SYNGR1: variants seen among roughly 807,000 people sequenced by gnomAD.
SYNGR1 encodes synaptogyrin 1.
A neutral mutation model predicts 26.1 loss-of-function variants in SYNGR1; 14 were observed. The observed-to-expected ratio is 0.54, with a 90% CI of 0.35 to 0.84. The LOEUF (loss-of-function observed/expected upper bound fraction) is 0.84, where lower values mean the gene tolerates loss of function less well. SYNGR1 is among the 40% of genes least tolerant of loss of function. SYNGR1 has a pLI of 0.01. For synonymous variants in SYNGR1, 141 were observed against 150.1 expected, an observed-to-expected ratio of 0.94 and a Z score of 0.44; for missense variants, 319 against 332.9, an observed-to-expected ratio of 0.96 and a Z score of 0.33.
rs1181013746 is a variant in SYNGR1, at chr22:39,350,865, A to T, written c.99+756A>T. Among the ~76,000 whole-genome samples the T allele has an allele frequency of 6.6e-6, 1 of 152,116 alleles. No individual in the cohort carries two copies. The highest frequency in any genetic ancestry group is 6.5e-5 in the Admixed American group (1 of 15,274). ...ACCGGTAACACCCCTCCCACTCAGC[A>T]TGCACCTGGATGCCCAAGGCGGGTG... On this transcript the variant is annotated intron_variant, in intron 1 of 3. Transcript: ENST00000328933. This position sits in a 1 kb window ranked among gnomAD's most constrained non-coding sequence, Gnocchi z 4.3.
chr22:39,364,222 G>A, intron 1 of SYNGR1: 3 of 1,613,836 alleles, frequency 1.9e-6, no homozygotes, highest in Non-Finnish European at 2.5e-6. Flanking sequence ...TGGGATTCTG[G>A]AATTCGATCC....
At chr22:39,360,156 G>A (rs1924402138) in intron 1 of SYNGR1, among the ~76,000 whole-genome samples, 1 of 152,178 alleles carries the variant, frequency 6.6e-6, no homozygotes, top group Non-Finnish European at 1.5e-5. Flanking sequence ...TGGTGGCCCA[G>A]GCCAGCCTGG....
In SYNGR1 at chr22:39,384,964, C is replaced by T. The variant is rs528833746; in HGVS notation, c.*3050C>T. ...GTCCTGCCTGCACGGCTCCTATCCA[C>T]CTGGGGGTGTCGCAGTTGAGGGGCT... On this transcript the variant is annotated 3_prime_UTR_variant, in exon 4 of 4. Transcript: ENST00000328933. The T allele has an allele frequency of 4.0e-5, 16 of 398,756 alleles. No individual in the cohort carries two copies. Among genetic ancestry groups the T allele is most frequent in the South Asian group, 1.3e-4 (1 of 7,864 alleles). 24.7% of individuals were successfully genotyped at this position (398,756 alleles called of 1,614,324 possible). A position where few individuals can be genotyped will look rare whatever the true frequency, so the allele number is the denominator to read the frequency against.
intron 3 of SYNGR1, chr22:39,378,480 A>G: frequency 1.0e-6 from 1 of 984,966 alleles, no homozygotes; most frequent in Non-Finnish European, 1.2e-6. Flanking sequence ...TGTTCCTCCA[A>G]AGGATTTTGG....
At chr22:39,360,740 C>T (rs989362838) in intron 1 of SYNGR1, among the ~76,000 whole-genome samples, 12 of 152,166 alleles carry the variant, frequency 7.9e-5, no homozygotes, top group Non-Finnish European at 8.8e-5. Context: ...GAGCACAGAC[C>T]CCTAGAGAGG....
Position 39,350,233 on chromosome 22 carries a change from C to A in SYNGR1, c.99+124C>A, listed in dbSNP as rs557593437. 3 of 561,636 alleles carry A rather than the reference C, an allele frequency of 5.3e-6. No homozygotes were observed. Among genetic ancestry groups the A allele is most frequent in the Admixed American group, 1.1e-4 (2 of 18,406 alleles). 34.8% of individuals were successfully genotyped at this position (561,636 alleles called of 1,614,324 possible). A position where few individuals can be genotyped will look rare whatever the true frequency, so the allele number is the denominator to read the frequency against. On this transcript the variant is annotated intron_variant, in intron 1 of 3. Transcript: ENST00000328933. This position sits in a 1 kb window ranked among gnomAD's most constrained non-coding sequence, Gnocchi z 4.3. ...CCCCCGGCGGCGGCGCGGCGGCGGGCGAGGAGCTGTCCTGCCTGCGGGGCC... is the reference window on the plus strand; with the variant it reads ...CCCCCGGCGGCGGCGCGGCGGCGGGAGAGGAGCTGTCCTGCCTGCGGGGCC...
intron 1 of SYNGR1, among the ~76,000 whole-genome samples, chr22:39,351,880 G>T (rs775948128): frequency 3.3e-5 from 5 of 152,238 alleles, no homozygotes; most frequent in Admixed American, 6.5e-5. Context: ...CATGGTGAAG[G>T]TGATGTCAGA....
chr22:39,362,957 T>C (rs866032824), intron 1 of SYNGR1, among the ~76,000 whole-genome samples: 26 of 152,168 alleles, frequency 1.7e-4, no homozygotes, highest in Admixed American at 9.2e-4. Flanking sequence ...AAAGAAGTTA[T>C]ATTGTGATGT....
chr22:39,351,156 G>A (rs887751479), intron 1 of SYNGR1, among the ~76,000 whole-genome samples: 1 of 152,182 alleles, frequency 6.6e-6, no homozygotes, highest in Non-Finnish European at 1.5e-5. Context: ...ACTCCCACTC[G>A]AGGTTCTGGC....
intron 1 of SYNGR1, among the ~76,000 whole-genome samples, chr22:39,365,630 G>C (rs534986757): frequency 2.0e-5 from 3 of 150,512 alleles, no homozygotes; most frequent in African/African-American, 7.5e-5. Flanking sequence ...ACAGAGGGCA[G>C]CTGACAGCCC....
At chr22:39,369,599 C>A (rs7286714) in intron 1 of SYNGR1, among the ~76,000 whole-genome samples, 3 of 151,996 alleles carry the variant, frequency 2.0e-5, no homozygotes, top group Non-Finnish European at 4.4e-5. Flanking sequence ...GAACACAGGT[C>A]TGGGAATCAG....
intron 3 of SYNGR1, among the ~76,000 whole-genome samples, chr22:39,379,053 A>G (rs780286035): frequency 6.6e-6 from 1 of 152,172 alleles, no homozygotes; most frequent in Non-Finnish European, 1.5e-5. Flanking sequence ...GTCTACAGAC[A>G]TTGCTCTCAA....
At chr22:39,376,341 C>A in intron 3 of SYNGR1, 144 bp downstream of exon 3, 1 of 1,395,646 alleles carries the variant, frequency 7.2e-7, no homozygotes, top group Non-Finnish European at 1.0e-6. Context: ...TGCCTGTCTG[C>A]GGCGCTCACA....
intron 3 of SYNGR1, chr22:39,378,209 A>C (rs913422795): frequency 2.8e-6 from 3 of 1,076,456 alleles, no homozygotes; most frequent in South Asian, 5.6e-5. Context: ...CTCTGTCCTC[A>C]TGTGCTATGT....
chr22:39,367,489 C>T (rs554937222), intron 1 of SYNGR1, among the ~76,000 whole-genome samples: 6 of 152,204 alleles, frequency 3.9e-5, no homozygotes, highest in South Asian at 4.1e-4. Context: ...GAGCGGTGGG[C>T]GGGGCCAGCA....
intron 1 of SYNGR1, among the ~76,000 whole-genome samples, chr22:39,362,051 T>C (rs1278661647): frequency 6.7e-6 from 1 of 150,262 alleles, no homozygotes; most frequent in Non-Finnish European, 1.5e-5. Context: ...CCTCACTATG[T>C]TCCCCAGGCT....
chr22:39,352,779 C>G (rs542379917), intron 1 of SYNGR1, among the ~76,000 whole-genome samples: 6 of 152,178 alleles, frequency 3.9e-5, no homozygotes, highest in African/African-American at 1.4e-4. Flanking sequence ...CAATTTGTCA[C>G]CCTGTCCAGG....
In SYNGR1 at chr22:39,382,004, G is replaced by C. The variant is rs1203977207; in HGVS notation, c.*90G>C. 1 of 1,384,188 alleles carries C rather than the reference G, an allele frequency of 7.2e-7. No individual in the cohort carries two copies. Among genetic ancestry groups the C allele is most frequent in the African/African-American group, 1.4e-5 (1 of 69,730 alleles). The allele number at this position is 1,384,188 out of a possible 1,614,324, so 85.7% of individuals were successfully genotyped here. On this transcript the variant is annotated 3_prime_UTR_variant, in exon 4 of 4. Transcript: ENST00000328933. ...TCCTGCCCAGGCTGCCCTGCCCAGC[G>C]CCTCATCAGCCTCTGCCTTGTCCCA...
Position 39,350,195 on chromosome 22 carries a change from C to A in SYNGR1, c.99+86C>A. The A allele has an allele frequency of 2.1e-6, 2 of 963,728 alleles. No individual in the cohort carries two copies. Among genetic ancestry groups the A allele is most frequent in the Non-Finnish European group, 2.7e-6 (2 of 754,540 alleles). 59.7% of individuals were successfully genotyped at this position (963,728 alleles called of 1,614,324 possible). A position where few individuals can be genotyped will look rare whatever the true frequency, so the allele number is the denominator to read the frequency against. ...GGCGCGCCCGGACCGACCCCGACCC[C>A]GACCCCAACGGGCCCCCGGCGGCGG... On this transcript the variant is annotated intron_variant, in intron 1 of 3. Coordinates refer to ENST00000328933, the MANE Select transcript of SYNGR1 (RefSeq NM_004711.5). This position sits in a 1 kb window ranked among gnomAD's most constrained non-coding sequence, Gnocchi z 4.3.
Sources: gnomAD v4.1 joint callset for allele counts (sites outside exome capture counted in the v4.1 genomes callset) on GRCh38, gnomAD v4.1.1 for gene constraint, Gnocchi (gnomAD v3.1) non-coding constraint, MANE v1.5 for transcripts, NCBI Gene and HGNC (gene_info 2026-07-23, HGNC 2026-07-21) for gene names.